PSD3: variants seen among roughly 807,000 people sequenced by gnomAD.
PSD3 encodes pleckstrin and Sec7 domain containing 3, also known as PH and SEC7 domain-containing protein 3.
In PSD3, 49 loss-of-function variants were observed where a neutral mutation model predicts 105.5. The ratio of observed to expected loss-of-function variants is 0.46; its 90% confidence interval spans 0.37 to 0.59. The LOEUF is 0.59. PSD3 is among the 20% of genes least tolerant of loss of function. PSD3 has a pLI of 0.00. For synonymous variants in PSD3, 557 were observed against 457.8 expected, an observed-to-expected ratio of 1.22 and a Z score of -2.77; for missense variants, 1,561 against 1,263.8, an observed-to-expected ratio of 1.24 and a Z score of -3.57.
chr8:19,014,300 G>T (rs1263747423), upstream of PSD3: 2 of 152,206 alleles, frequency 1.3e-5, no homozygotes, highest in Non-Finnish European at 2.9e-5. The surrounding 1 kb of genome is among the most constrained non-coding windows in gnomAD (Gnocchi z 4.9). Context: ...TAGTCCCGGG[G>T]ACCCGTCGAG....
intron 1 of PSD3, among the ~76,000 whole-genome samples, chr8:19,076,874 T>C (rs1829478464): frequency 6.6e-6 from 1 of 152,152 alleles, no homozygotes; most frequent in Non-Finnish European, 1.5e-5. Context: ...AAGCACGGTG[T>C]TAAGTCTGAA....
At chr8:19,028,444 T>C (rs1356150178) in intron 1 of PSD3, among the ~76,000 whole-genome samples, 1 of 151,804 alleles carries the variant, frequency 6.6e-6, no homozygotes, top group African/African-American at 2.4e-5. Context: ...CCTCAAGCTA[T>C]CACTGGGCTC....
rs777672639 is a variant in PSD3, at chr8:18,872,499, T to G, written c.365A>C (p.His122Pro). 1 of 1,614,172 alleles carries G rather than the reference T, an allele frequency of 6.2e-7. No individual in the cohort carries two copies. Among genetic ancestry groups the G allele is most frequent in the Non-Finnish European group, 8.5e-7 (1 of 1,180,034 alleles). Reference sequence around the variant, plus strand: ...GGGCTGTAAACTTTGTTCCTTGAGATGACTTTGAGAGGGGGCCTCTCTGAC... The same window carrying G: ...GGGCTGTAAACTTTGTTCCTTGAGAGGACTTTGAGAGGGGGCCTCTCTGAC... Reference protein sequence around the residue: ...KDVREAPSQSHLKEQSLQPID... With the variant: ...KDVREAPSQSPLKEQSLQPID... The change falls in exon 3 of 16, where the codon CAT becomes CCT. Residue 122 changes from histidine (H) to proline (P), a missense_variant. Physicochemically the swap from His to Pro is moderately conservative, Grantham distance 77 (BLOSUM62 -2). Transcript: ENST00000327040.
At chr8:18,551,862 C>G (rs762355304) in intron 15 of PSD3, among the ~76,000 whole-genome samples, 19 of 152,204 alleles carry the variant, frequency 1.2e-4, no homozygotes, top group Non-Finnish European at 2.6e-4. Context: ...GTTCAAAGAT[C>G]TAACTAATAC....
chr8:18,719,245 C>T (rs922175040), intron 9 of PSD3, among the ~76,000 whole-genome samples: 20 of 152,110 alleles, frequency 1.3e-4, no homozygotes, highest in Non-Finnish European at 2.5e-4. Flanking sequence ...TTCCTGGGTA[C>T]AATACACAGA....
chr8:19,083,498 G>A (rs1200870261), intron 1 of PSD3, among the ~76,000 whole-genome samples: 1 of 152,250 alleles, frequency 6.6e-6, no homozygotes, highest in African/African-American at 2.4e-5. Context: ...TTCCCTTCCT[G>A]ATGGGGAATG....
intron 12 of PSD3, among the ~76,000 whole-genome samples, chr8:18,584,135 C>G (rs184204660): frequency 7.2e-5 from 11 of 152,278 alleles, no homozygotes; most frequent in Admixed American, 6.5e-4. Flanking sequence ...TTTATGTACT[C>G]AACTAATAGA....
At chr8:18,573,534 G>A (rs1476883300) in intron 13 of PSD3, among the ~76,000 whole-genome samples, 1 of 150,132 alleles carries the variant, frequency 6.7e-6, no homozygotes, top group South Asian at 2.2e-4. Flanking sequence ...TCATTCCTGA[G>A]TCAAAAAAGG....
At chr8:18,592,941 T>C (rs1803722496) in intron 12 of PSD3, among the ~76,000 whole-genome samples, 1 of 152,090 alleles carries the variant, frequency 6.6e-6, no homozygotes, top group Non-Finnish European at 1.5e-5. Context: ...TGAAACTGGA[T>C]CCCTTCCTTA....
intron 2 of PSD3, among the ~76,000 whole-genome samples, chr8:18,894,193 T>A (rs1818995012): frequency 6.6e-6 from 1 of 152,202 alleles, no homozygotes; most frequent in South Asian, 2.1e-4. Context: ...CCTTTTGTAC[T>A]CACTACAAAG....
intron 9 of PSD3, among the ~76,000 whole-genome samples, chr8:18,674,940 A>G (rs1159545336): frequency 1.3e-5 from 2 of 152,124 alleles, no homozygotes. Context: ...TTTCAGGGCT[A>G]CAGTGAGGTA....
At chr8:18,828,072 T>A (rs1224337426) in intron 4 of PSD3, among the ~76,000 whole-genome samples, 52 of 144,502 alleles carry the variant, frequency 3.6e-4, no homozygotes, top group South Asian at 1.3e-3. Context: ...TATATATTTT[T>A]TTTTTTTTAC....
chr8:18,586,807 G>A (rs184171961), intron 12 of PSD3, among the ~76,000 whole-genome samples: 2 of 152,186 alleles, frequency 1.3e-5, no homozygotes, highest in African/African-American at 4.8e-5. Context: ...GGGCACTCAG[G>A]AGGGAAGTTA....
chr8:18,776,710 G>A (rs1240412718), intron 8 of PSD3, among the ~76,000 whole-genome samples: 2 of 152,126 alleles, frequency 1.3e-5, no homozygotes, highest in Non-Finnish European at 2.9e-5. Context: ...GAACTGAGCA[G>A]TGAAACTGTC....
chr8:19,033,293 A>C (rs574362734), intron 1 of PSD3, among the ~76,000 whole-genome samples: 12 of 152,312 alleles, frequency 7.9e-5, no homozygotes, highest in Middle Eastern at 3.4e-3. Context: ...GAAAGTGCAC[A>C]TACCGGACAT....
chr8:18,980,699 G>A (rs1447269895), intron 1 of PSD3, among the ~76,000 whole-genome samples: 1 of 151,824 alleles, frequency 6.6e-6, no homozygotes, highest in Admixed American at 6.6e-5. Context: ...GCTATATGCT[G>A]CTTTTGGGCT....
intron 9 of PSD3, among the ~76,000 whole-genome samples, chr8:18,678,309 T>C (rs989020020): frequency 1.3e-5 from 2 of 152,222 alleles, no homozygotes; most frequent in African/African-American, 2.4e-5. Context: ...CTCATTAGAC[T>C]GAGGTACCTC....
At chr8:19,062,705 GT>G (rs1828945279) in intron 1 of PSD3, among the ~76,000 whole-genome samples, 1 of 152,158 alleles carries the variant, frequency 6.6e-6, no homozygotes. Flanking sequence ...AATAATAGAA[GT>G]TGTGTTATCA....
In PSD3 at chr8:18,871,716, C is replaced by G; in HGVS notation, c.1148G>C (p.Arg383Pro). ...GTSSGTFSPV[R>P]LDESGEDEVF... is the part of the protein sequence containing the mutation. Reference sequence around the variant, plus strand: ...TTCATCCTCTCCACTCTCATCAAGACGCACAGGGGAAAATGTCCCCGAGCT... The same window carrying G: ...TTCATCCTCTCCACTCTCATCAAGAGGCACAGGGGAAAATGTCCCCGAGCT... The change falls in exon 3 of 16, where the codon CGT becomes CCT. Residue 383 changes from arginine (R) to proline (P), a missense_variant. Transcript: ENST00000327040. 1.2e-6 allele frequency: 2 copies of G among 1,614,158 alleles called. No individual in the cohort carries two copies. Among genetic ancestry groups the G allele is most frequent in the Non-Finnish European group, 8.5e-7 (1 of 1,180,018 alleles).
Sources: gnomAD v4.1 joint callset for allele counts (sites outside exome capture counted in the v4.1 genomes callset) on GRCh38, gnomAD v4.1.1 for gene constraint, Gnocchi (gnomAD v3.1) non-coding constraint, MANE v1.5 for transcripts, NCBI Gene and HGNC (gene_info 2026-07-23, HGNC 2026-07-21) for gene names.